PTPRR: variants seen among roughly 807,000 people sequenced by gnomAD.
PTPRR encodes receptor-type tyrosine-protein phosphatase R.
Under a neutral mutation model 77.2 loss-of-function variants are expected in PTPRR, and 38 were observed. The ratio of observed to expected loss-of-function variants is 0.49; its 90% CI spans 0.38 to 0.65. The LOEUF (loss-of-function observed/expected upper bound fraction) is 0.65. Ranked by LOEUF, PTPRR falls within the 30% of genes least tolerant of loss-of-function variation. PTPRR has a pLI of 0.00. For synonymous variants in PTPRR, 299 were observed against 283.1 expected (o/e 1.06, Z -0.57); for missense variants, 744 against 799.2 (o/e 0.93, Z 0.83).
At chr12:70,766,007 C>A (rs1215455022) in intron 2 of PTPRR, among the ~76,000 whole-genome samples, 1 of 152,162 alleles carries the variant, frequency 6.6e-6, no homozygotes, top group Non-Finnish European at 1.5e-5. Context: ...ACCAAAAACC[C>A]ATGTGCACAT....
intron 2 of PTPRR, among the ~76,000 whole-genome samples, chr12:70,863,581 A>G (rs759629955): frequency 7.2e-5 from 11 of 152,010 alleles, no homozygotes; most frequent in Admixed American, 5.9e-4. Flanking sequence ...TTTTAAATTT[A>G]GCAAGCTGAT....
At chr12:70,896,825 C>T (rs1283052424) in intron 1 of PTPRR, among the ~76,000 whole-genome samples, 1 of 151,820 alleles carries the variant, frequency 6.6e-6, no homozygotes, top group African/African-American at 2.4e-5. Context: ...CAGCTTTCTA[C>T]ATATGGCTAG....
intron 2 of PTPRR, among the ~76,000 whole-genome samples, chr12:70,835,704 A>G (rs1372720393): frequency 3.3e-5 from 5 of 152,134 alleles, no homozygotes; most frequent in Non-Finnish European, 7.4e-5. Context: ...CCAAGCTTTC[A>G]TGCTAGAAAA....
At chr12:70,841,826 C>T (rs1055870746) in intron 2 of PTPRR, among the ~76,000 whole-genome samples, 12 of 151,990 alleles carry the variant, frequency 7.9e-5, no homozygotes, top group African/African-American at 2.7e-4. Flanking sequence ...AAATTCAAAA[C>T]CCAATTATTA....
chr12:70,763,967 A>C (rs1461217863), intron 3 of PTPRR, among the ~76,000 whole-genome samples: 1 of 151,634 alleles, frequency 6.6e-6, no homozygotes, highest in Non-Finnish European at 1.5e-5. Context: ...ATTGACATAT[A>C]GGCCTAGACT....
intron 3 of PTPRR, among the ~76,000 whole-genome samples, chr12:70,762,678 GC>G (rs1455882899): frequency 2.6e-5 from 4 of 152,104 alleles, no homozygotes; most frequent in African/African-American, 9.7e-5. Context: ...CTCATTTATT[GC>G]TCAAAACACC....
chr12:70,834,107 C>A (rs1397679479), intron 2 of PTPRR, among the ~76,000 whole-genome samples: 2 of 152,138 alleles, frequency 1.3e-5, no homozygotes, highest in African/African-American at 4.8e-5. Flanking sequence ...GCACCAGAGA[C>A]ACCTTTGCTG....
intron 2 of PTPRR, among the ~76,000 whole-genome samples, chr12:70,786,344 C>T (rs529112458): frequency 6.6e-5 from 10 of 152,210 alleles, no homozygotes; most frequent in Admixed American, 3.3e-4. Flanking sequence ...TCCTTCAGCC[C>T]CCAACGACTT....
chr12:70,852,242 C>A (rs1046308302), intron 2 of PTPRR, among the ~76,000 whole-genome samples: 4 of 151,988 alleles, frequency 2.6e-5, no homozygotes, highest in African/African-American at 7.2e-5. Flanking sequence ...AAAAATGAAT[C>A]AGGGACAAAT....
At chr12:70,703,903 G>T (rs1456907194) in intron 6 of PTPRR, among the ~76,000 whole-genome samples, 1 of 152,068 alleles carries the variant, frequency 6.6e-6, no homozygotes, top group Non-Finnish European at 1.5e-5. Flanking sequence ...ATTTAAGTTG[G>T]GCTTTGAAAG....
At chr12:70,716,234 C>T (rs1429601415) in intron 6 of PTPRR, among the ~76,000 whole-genome samples, 1 of 151,720 alleles carries the variant, frequency 6.6e-6, no homozygotes, top group African/African-American at 2.4e-5. Context: ...TGCTAGAAAA[C>T]ACTCAGATTG....
chr12:70,702,654 G>A (rs1041652370), intron 6 of PTPRR, among the ~76,000 whole-genome samples: 1 of 152,112 alleles, frequency 6.6e-6, no homozygotes, highest in Non-Finnish European at 1.5e-5. Context: ...GCCTCTGGTT[G>A]CATTTTTGTT....
chr12:70,817,522 G>A (rs940201875), intron 2 of PTPRR, among the ~76,000 whole-genome samples: 2 of 152,156 alleles, frequency 1.3e-5, no homozygotes, highest in African/African-American at 4.8e-5. Context: ...ATCTATTTTT[G>A]AGTCAAAATT....
chr12:70,754,252 T>A lies in PTPRR; in HGVS notation c.677A>T (p.Glu226Val). 6.2e-7 allele frequency: 1 copy of A among 1,613,720 alleles called. No homozygotes were observed. The highest frequency in any genetic ancestry group is 8.5e-7 in the Non-Finnish European group (1 of 1,179,816). The change falls in exon 5 of 14, where the codon GAA (glutamate) becomes GTA (valine). Residue 226 changes from glutamate (E) to valine (V), a missense_variant. Around this residue, in one of 3 missense-constraint regions of PTPRR, gnomAD observed 570 missense variants for 573.2 expected, o/e 0.99. Coordinates refer to ENST00000283228, the MANE Select transcript of PTPRR (RefSeq NM_002849.4). ...QHEADKIWSK[E>V]GFYAVVIFLS... ...AAAAATGACAACAGCATAAAATCCTTCTTTGCTCCAGATTTTGTCCGCTTC... is the reference window on the plus strand; with the variant it reads ...AAAAATGACAACAGCATAAAATCCTACTTTGCTCCAGATTTTGTCCGCTTC...
intron 6 of PTPRR, among the ~76,000 whole-genome samples, chr12:70,733,429 A>AC (rs1399066814): frequency 2.6e-4 from 27 of 102,818 alleles, no homozygotes; most frequent in East Asian, 9.4e-4. Context: ...AACAACAACA[A>AC]AAAAAAAAAA....
chr12:70,723,118 G>A (rs1889317527), intron 6 of PTPRR, among the ~76,000 whole-genome samples: 1 of 152,186 alleles, frequency 6.6e-6, no homozygotes. Context: ...GGTGGAGCAT[G>A]AACAGCAAGC....
chr12:70,791,317 C>T (rs1891418319), intron 2 of PTPRR, among the ~76,000 whole-genome samples: 1 of 152,130 alleles, frequency 6.6e-6, no homozygotes, highest in Admixed American at 6.6e-5. Flanking sequence ...AGCCTCAGAG[C>T]CTTTTTAAAA....
intron 8 of PTPRR, 180 bp from the exon 9 acceptor site, chr12:70,684,963 T>G: frequency 2.2e-6 from 1 of 460,682 alleles, no homozygotes; most frequent in East Asian, 3.7e-5. Flanking sequence ...TGGGCCTGTC[T>G]TCACTCCTGA....
At chr12:70,857,232 T>G (rs1174403082) in intron 2 of PTPRR, among the ~76,000 whole-genome samples, 1 of 152,098 alleles carries the variant, frequency 6.6e-6, no homozygotes, top group Non-Finnish European at 1.5e-5. Flanking sequence ...AACACCAGAA[T>G]TTTGGAAAGC....
Sources: allele counts gnomAD v4.1 joint callset (sites outside exome capture counted in the v4.1 genomes callset), GRCh38; gene constraint gnomAD v4.1.1; regional missense constraint gnomAD v4.1.1; transcripts MANE v1.5; gene names NCBI Gene and HGNC (gene_info 2026-07-23, HGNC 2026-07-21).